The following AGBL4 variants were observed in gnomAD, a reference collection of about 807,000 sequenced individuals.
AGBL4 encodes cytosolic carboxypeptidase 6.
A neutral mutation model predicts 66.4 loss-of-function variants in AGBL4; 58 were observed. That is an observed-to-expected ratio of 0.87 (90% CI 0.71 to 1.09). The LOEUF is 1.09. AGBL4 is among the 50% of genes least tolerant of loss of function. AGBL4 has a pLI of 0.00. For missense variants in AGBL4, 579 were observed against 631.0 expected (o/e 0.92, Z 0.88); for synonymous variants, 234 against 222.9 (o/e 1.05, Z -0.44).
chr1:49,607,142 A>T (rs1013405240), intron 3 of AGBL4, among the ~76,000 whole-genome samples: 2 of 152,138 alleles, frequency 1.3e-5, no homozygotes, highest in Non-Finnish European at 2.9e-5. Context: ...CTAATTTGCC[A>T]ACACTCCCAT....
At chr1:49,954,162 T>A (rs534114354) in intron 1 of AGBL4, among the ~76,000 whole-genome samples, 6 of 151,990 alleles carry the variant, frequency 3.9e-5, no homozygotes, top group Non-Finnish European at 7.4e-5. Flanking sequence ...CCCAAAGTGC[T>A]GGGATTATAG....
intron 5 of AGBL4, among the ~76,000 whole-genome samples, chr1:48,932,552 A>G (rs1655117089): frequency 6.6e-6 from 1 of 152,172 alleles, no homozygotes; most frequent in South Asian, 2.1e-4. Context: ...GGAGAAAGGC[A>G]TTGTTTCCTG....
intron 6 of AGBL4, among the ~76,000 whole-genome samples, chr1:48,837,701 CACACACACACTATATATATATA>C (rs1257956191): frequency 6.5e-4 from 63 of 96,878 alleles, no homozygotes; most frequent in African/African-American, 3.1e-3. Flanking sequence ...CACACACGCA[CACACACACACTATATATATATA>C]TATATATATA....
intron 6 of AGBL4, among the ~76,000 whole-genome samples, chr1:48,748,937 G>A (rs766452384): frequency 5.9e-5 from 9 of 152,094 alleles, no homozygotes; most frequent in Non-Finnish European, 1.2e-4. Context: ...TGGATTAGGT[G>A]AGATCCCAGC....
At chr1:49,995,438 A>G in intron 1 of AGBL4, 1 of 379,000 alleles carries the variant, frequency 2.6e-6, no homozygotes, top group Admixed American at 3.1e-5. Flanking sequence ...CCCTGAGAAC[A>G]CAACTCCACT....
At chr1:49,649,522 G>A (rs1398350700) in intron 3 of AGBL4, among the ~76,000 whole-genome samples, 1 of 152,054 alleles carries the variant, frequency 6.6e-6, no homozygotes, top group African/African-American at 2.4e-5. Context: ...TATTATGGTT[G>A]GAAACTTCAA....
chr1:48,811,249 A>G (rs1052300199), intron 6 of AGBL4, among the ~76,000 whole-genome samples: 15 of 152,146 alleles, frequency 9.9e-5, no homozygotes, highest in African/African-American at 3.6e-4. Flanking sequence ...CATGTGTGTC[A>G]TGGAATCTGA....
At chr1:49,198,725 G>T (rs1647436638) in intron 4 of AGBL4, among the ~76,000 whole-genome samples, 2 of 151,642 alleles carry the variant, frequency 1.3e-5, no homozygotes, top group African/African-American at 4.8e-5. Flanking sequence ...ACGGTTTTTT[G>T]ATAAGTTTTT....
chr1:49,344,835 T>C (rs1306024153), intron 3 of AGBL4, among the ~76,000 whole-genome samples: 1 of 152,192 alleles, frequency 6.6e-6, no homozygotes, highest in Non-Finnish European at 1.5e-5. Context: ...GAAAGATTTT[T>C]GTTTGCCTTT....
intron 6 of AGBL4, among the ~76,000 whole-genome samples, chr1:48,769,543 A>ACACACACACG (rs1644703113): frequency 6.9e-6 from 1 of 145,410 alleles, no homozygotes; most frequent in African/African-American, 2.6e-5. Flanking sequence ...ACACACACAC[A>ACACACACACG]CACACACACA....
At chr1:49,496,296 T>A (rs1174171255) in intron 3 of AGBL4, among the ~76,000 whole-genome samples, 1 of 152,010 alleles carries the variant, frequency 6.6e-6, no homozygotes, top group East Asian at 1.9e-4. Context: ...TCATGCATAA[T>A]ATGATTTTTT....
intron 1 of AGBL4, among the ~76,000 whole-genome samples, chr1:49,940,414 C>T (rs1371197299): frequency 5.3e-5 from 8 of 152,048 alleles, no homozygotes; most frequent in Admixed American, 2.0e-4. Flanking sequence ...ATGTTTATTG[C>T]GGCATTATTC....
rs78738106 is a variant in AGBL4, at chr1:48,928,580, G to A, written c.595-61350C>T. On this transcript the variant is annotated intron_variant, in intron 5 of 13. Coordinates refer to ENST00000371839, the MANE Select transcript of AGBL4 (RefSeq NM_032785.4). ...ATTTGATGCCATTTTTTAAAGGGGT[G>A]GAGAAGCAGGGGAGGACTGGACTTG... is the stretch of plus-strand genomic sequence containing the variant. Among the ~76,000 whole-genome samples, 163 of 152,166 alleles carry A rather than the reference G, an allele frequency of 1.1e-3. 5 individuals carry two copies. In the East Asian group the frequency reaches 0.029, roughly 27 times the overall value.
intron 3 of AGBL4, among the ~76,000 whole-genome samples, chr1:49,512,654 G>C (rs1649383479): frequency 1.3e-5 from 2 of 151,868 alleles, no homozygotes; most frequent in Admixed American, 6.6e-5. Context: ...CAGATACCAT[G>C]ATGCTTCTTG....
intron 1 of AGBL4, among the ~76,000 whole-genome samples, chr1:49,875,940 C>A (rs888819302): frequency 2.4e-4 from 36 of 147,654 alleles, no homozygotes; most frequent in Admixed American, 4.8e-4. Flanking sequence ...TGTTTTTTGG[C>A]TGCATAAATG....
chr1:48,963,041 T>C (rs1658129296), intron 5 of AGBL4, among the ~76,000 whole-genome samples: 1 of 118,810 alleles, frequency 8.4e-6, no homozygotes, highest in Non-Finnish European at 1.6e-5. Flanking sequence ...TCTTAAACCA[T>C]TTTCTGCTGC....
chr1:49,664,119 T>C (rs1646319693), intron 3 of AGBL4, among the ~76,000 whole-genome samples: 1 of 152,094 alleles, frequency 6.6e-6, no homozygotes. Flanking sequence ...AATAAAAACA[T>C]GTTCTGGTGA....
chr1:49,319,160 C>T (rs1645089595), intron 3 of AGBL4, among the ~76,000 whole-genome samples: 1 of 152,008 alleles, frequency 6.6e-6, no homozygotes, highest in Non-Finnish European at 1.5e-5. Flanking sequence ...CCAATAATAC[C>T]AGCATTTCTA....
chr1:48,667,097 A>G lies in AGBL4; in HGVS notation c.635-3856T>C, dbSNP rs114993377. 8.4e-3 allele frequency among the ~76,000 whole-genome samples: 1,282 copies of G among 152,316 alleles called. 24 individuals are homozygous for G. The highest frequency in any genetic ancestry group is 0.03 in the African/African-American group (1,236 of 41,556). ...GACTTTTGGAGATTAAAATCACCCTATATGGTTTTTAAAAAAACATCGACA... is the reference window on the plus strand; with the variant it reads ...GACTTTTGGAGATTAAAATCACCCTGTATGGTTTTTAAAAAAACATCGACA... On this transcript the variant is annotated intron_variant, in intron 6 of 13. Coordinates refer to ENST00000371839, the MANE Select transcript of AGBL4 (RefSeq NM_032785.4).
Sources: allele counts gnomAD v4.1 joint callset (sites outside exome capture counted in the v4.1 genomes callset), GRCh38; gene constraint gnomAD v4.1.1; transcripts MANE v1.5; gene names NCBI Gene and HGNC (gene_info 2026-07-23, HGNC 2026-07-21).